CYP19A1: variants seen among roughly 807,000 people sequenced by gnomAD.
CYP19A1 encodes aromatase.
Under a neutral mutation model 44.4 loss-of-function variants are expected in CYP19A1, and 32 were observed. The observed-to-expected ratio is 0.72, with a 90% CI of 0.54 to 0.97. The LOEUF (loss-of-function observed/expected upper bound fraction) is 0.97. Ranked by LOEUF, CYP19A1 falls within the 50% of genes least tolerant of loss-of-function variation. CYP19A1 has a pLI of 0.00. For synonymous variants in CYP19A1, 212 were observed against 215.6 expected, an observed-to-expected ratio of 0.98 and a Z score of 0.14; for missense variants, 598 against 637.8, an observed-to-expected ratio of 0.94 and a Z score of 0.67.
chr15:51,216,747 G>A (rs2031619678), intron 6 of CYP19A1, among the ~76,000 whole-genome samples: 1 of 152,148 alleles, frequency 6.6e-6, no homozygotes, highest in Admixed American at 6.5e-5. Context: ...CATTTTGGCA[G>A]TGTGGTTGAA....
chr15:51,216,141 T>C (rs2031552140), intron 6 of CYP19A1, among the ~76,000 whole-genome samples: 1 of 152,184 alleles, frequency 6.6e-6, no homozygotes, highest in Admixed American at 6.5e-5. Flanking sequence ...GCAGGCACAA[T>C]GTTTAAATTA....
intron 3 of CYP19A1, among the ~76,000 whole-genome samples, chr15:51,234,963 C>A (rs1444131559): frequency 6.6e-6 from 1 of 152,118 alleles, no homozygotes; most frequent in African/African-American, 2.4e-5. Context: ...CTTCACCTGT[C>A]TGCTGAGGGA....
At chr15:51,319,009 A>G (rs540141115) in intron 1 of CYP19A1, 11 of 152,344 alleles carry the variant, frequency 7.2e-5, no homozygotes, top group Admixed American at 5.9e-4. Flanking sequence ...GCTGAAGACG[A>G]CAGATGAACC....
intron 1 of CYP19A1, among the ~76,000 whole-genome samples, chr15:51,268,039 A>T (rs976029492): frequency 6.6e-6 from 1 of 152,206 alleles, no homozygotes; most frequent in Non-Finnish European, 1.5e-5. Context: ...CACGTGTCAA[A>T]TCTTTTTACT....
At position 51,293,901 on chromosome 15, in the gene CYP19A1, T is replaced by G. The variant is rs189553822; in HGVS notation, c.-39+44594A>C. 4.0e-3 allele frequency: 853 copies of G among 212,282 alleles called. 10 individuals carry two copies. The highest frequency in any genetic ancestry group is 0.019 in the African/African-American group (818 of 42,184). The allele number at this position is 212,282 out of a possible 1,614,324, so 13.1% of individuals were successfully genotyped here. On this transcript the variant is annotated intron_variant, in intron 1 of 9. Transcript: ENST00000396402. ...TGGGGTGCAGTGGCGTAATCTCGGC[T>G]GGCTACAACCTCCACCTCCCAGCCG...
intron 1 of CYP19A1, among the ~76,000 whole-genome samples, chr15:51,249,962 T>C (rs1363592425): frequency 6.6e-6 from 1 of 152,218 alleles, no homozygotes; most frequent in Non-Finnish European, 1.5e-5. Context: ...GGGACATTCT[T>C]CTTCTGGAGC....
At chr15:51,234,629 C>T (rs1429900161) in intron 3 of CYP19A1, among the ~76,000 whole-genome samples, 1 of 152,154 alleles carries the variant, frequency 6.6e-6, no homozygotes, top group Non-Finnish European at 1.5e-5. Context: ...TCTTAAACCT[C>T]CACCACCTTA....
chr15:51,224,712 T>C (rs146910182), intron 4 of CYP19A1, among the ~76,000 whole-genome samples: 1 of 152,332 alleles, frequency 6.6e-6, no homozygotes, highest in Non-Finnish European at 1.5e-5. Context: ...AAAATACAAA[T>C]ATGTTTATGT....
intron 1 of CYP19A1, among the ~76,000 whole-genome samples, chr15:51,297,954 G>C (rs2036034842): frequency 6.6e-6 from 1 of 151,796 alleles, no homozygotes; most frequent in Non-Finnish European, 1.5e-5. Flanking sequence ...AGAGGATTTA[G>C]GCTACTCTGA....
intron 1 of CYP19A1, among the ~76,000 whole-genome samples, chr15:51,274,166 A>C (rs533192174): frequency 1.3e-5 from 2 of 152,198 alleles, no homozygotes; most frequent in South Asian, 4.1e-4. Context: ...ATATACATCA[A>C]TAGTACCACA....
At chr15:51,288,358 A>G (rs1408688726) in intron 1 of CYP19A1, among the ~76,000 whole-genome samples, 2 of 152,014 alleles carry the variant, frequency 1.3e-5, no homozygotes, top group East Asian at 3.9e-4. Context: ...CCCACCCCCC[A>G]TAGTCCACCC....
chr15:51,309,162 C>T (rs1281751800), intron 1 of CYP19A1, among the ~76,000 whole-genome samples: 1 of 152,020 alleles, frequency 6.6e-6, no homozygotes, highest in African/African-American at 2.4e-5. Flanking sequence ...AGGGTGGAGC[C>T]CACATGAATT....
At chr15:51,238,573 C>T (rs922010515) in intron 2 of CYP19A1, among the ~76,000 whole-genome samples, 1 of 152,184 alleles carries the variant, frequency 6.6e-6, no homozygotes, top group Admixed American at 6.5e-5. Flanking sequence ...ACTGCAGCCT[C>T]CACCTCCCGG....
intron 1 of CYP19A1, among the ~76,000 whole-genome samples, chr15:51,310,783 T>C (rs1398105257): frequency 6.6e-6 from 1 of 152,134 alleles, no homozygotes; most frequent in Non-Finnish European, 1.5e-5. Context: ...GAAAAGGAGC[T>C]GGTCCTTTTC....
chr15:51,326,110 A>G (rs2445763), intron 1 of CYP19A1, among the ~76,000 whole-genome samples: 7,331 of 152,282 alleles, frequency 0.048, 220 homozygotes, highest in Non-Finnish European at 0.065. Context: ...CTGAAAAATC[A>G]TAAGTTGAAT....
At chr15:51,238,823 A>ATCAG (rs2033572889) in intron 2 of CYP19A1, among the ~76,000 whole-genome samples, 1 of 152,232 alleles carries the variant, frequency 6.6e-6, no homozygotes, top group Non-Finnish European at 1.5e-5. Flanking sequence ...TCAATTGTAT[A>ATCAG]TCAGCTTAAT....
chr15:51,296,099 G>T (rs2035990079), intron 1 of CYP19A1, among the ~76,000 whole-genome samples: 1 of 151,944 alleles, frequency 6.6e-6, no homozygotes, highest in Admixed American at 6.6e-5. Flanking sequence ...CTGGGAAAAA[G>T]ATTGCATCTT....
At chr15:51,285,995 C>T (rs899743911) in intron 1 of CYP19A1, among the ~76,000 whole-genome samples, 8 of 152,176 alleles carry the variant, frequency 5.3e-5, no homozygotes, top group Admixed American at 2.0e-4. Flanking sequence ...CAGACGGCAC[C>T]AGCTTTGTCA....
Position 51,212,400 on chromosome 15 carries a change from TA to T in CYP19A1, c.1182del (p.Ile395SerfsTer2). 2 of 1,596,076 alleles carry T rather than the reference TA, an allele frequency of 1.3e-6. No homozygotes were observed. The highest frequency in any genetic ancestry group is 2.2e-5 in the South Asian group (2 of 90,712). ...DGYPVKKGTN[I>X]ILNIGRMHRL... The stretch of plus-strand genomic sequence containing the variant: ...CTGTGCATCCTTCCAATATTCAGGA[TA>T]ATGTTTGTCCCCTTTTTCACTGGGT... On this transcript the variant is annotated frameshift_variant, in exon 9 of 10. Coordinates refer to ENST00000396402, the MANE Select transcript of CYP19A1 (RefSeq NM_000103.4). LOFTEE classifies it high-confidence loss of function.
Sources: allele counts gnomAD v4.1 joint callset (sites outside exome capture counted in the v4.1 genomes callset), GRCh38; gene constraint gnomAD v4.1.1; transcripts MANE v1.5; gene names NCBI Gene and HGNC (gene_info 2026-07-23, HGNC 2026-07-21).